The following BAK1 variants were observed in gnomAD, a reference collection of about 807,000 sequenced individuals.
BAK1 encodes the protein BCL2 antagonist/killer 1.
Under a neutral mutation model 24.7 loss-of-function variants are expected in BAK1, and 19 were observed. That is an observed-to-expected ratio of 0.77 (90% CI 0.54 to 1.13). The LOEUF is 1.13. Among genes scored for constraint, BAK1 ranks in the 50% most tolerant of loss-of-function variants. BAK1 has a pLI of 0.00. For missense variants in BAK1, 194 were observed against 279.4 expected, an observed-to-expected ratio of 0.69 and a Z score of 2.18; for synonymous variants, 86 against 107.3, an observed-to-expected ratio of 0.80 and a Z score of 1.23.
At position 33,574,034 on chromosome 6, in the gene BAK1, C is replaced by A. The variant is rs1449806196; in HGVS notation, c.531G>T (p.Trp177Cys). The change falls in exon 5 of 6, where the codon TGG becomes TGT. Residue 177 changes from tryptophan (W) to cysteine (C), a missense_variant and splice_region_variant. Coordinates refer to ENST00000374467, the MANE Select transcript of BAK1 (RefSeq NM_001188.4). ...IARWIAQRGG[W>C]VAALNLGNGP... Reference sequence around the variant, plus strand: ...GACATTGCAGTCCTTGGATACTCACCCAGCCACCCCTCTGTGCAATCCACC... The same window carrying A: ...GACATTGCAGTCCTTGGATACTCACACAGCCACCCCTCTGTGCAATCCACC... The A allele has an allele frequency of 3.7e-6, 6 of 1,613,618 alleles. No homozygotes were observed.
Position 33,575,708 on chromosome 6 carries a change from C to A in BAK1, c.206+85G>T, listed in dbSNP as rs1762833588. On this transcript the variant is annotated intron_variant, in intron 3 of 5. Coordinates refer to ENST00000374467, the MANE Select transcript of BAK1 (RefSeq NM_001188.4). This position sits in a 1 kb window ranked among gnomAD's most constrained non-coding sequence, Gnocchi z 6.3. ...AGAAGGGCAAGACCCCCGAGGCCTCCCCAGCTCCCAGGACCTGCACAGAGA... is the reference window on the plus strand; with the variant it reads ...AGAAGGGCAAGACCCCCGAGGCCTCACCAGCTCCCAGGACCTGCACAGAGA... 1 of 1,555,024 alleles carries A rather than the reference C, an allele frequency of 6.4e-7. No individual in the cohort carries two copies. Among genetic ancestry groups the A allele is most frequent in the Non-Finnish European group, 8.7e-7 (1 of 1,149,994 alleles).
In BAK1 at chr6:33,575,250, G is replaced by T; in HGVS notation, c.350+48C>A. The T allele has an allele frequency of 6.2e-7, 1 of 1,613,470 alleles. No homozygotes were observed. Among genetic ancestry groups the T allele is most frequent in the South Asian group, 1.1e-5 (1 of 90,998 alleles). ...TGCAGGCAGGGTATGGTATGGTTGT[G>T]ACATGACAGAGGAGTGACTGGAGCT... is the stretch of plus-strand genomic sequence containing the variant. On this transcript the variant is annotated intron_variant, in intron 4 of 5. Transcript: ENST00000374467. The surrounding 1 kb of genome is among the most constrained non-coding windows in gnomAD (Gnocchi z 6.3).
intron 1 of BAK1, among the ~76,000 whole-genome samples, chr6:33,579,296 A>G (rs549219475): frequency 1.3e-5 from 2 of 152,302 alleles, no homozygotes; most frequent in South Asian, 4.1e-4. Context: ...CGGTCAGCCG[A>G]GATTGCGCCA....
At chr6:33,574,746 T>C (rs9296095) in intron 4 of BAK1, among the ~76,000 whole-genome samples, 37,849 of 152,154 alleles carry the variant, frequency 0.25, 4,972 homozygotes, top group South Asian at 0.35. Flanking sequence ...GCTAACACTT[T>C]GTAAGGTGGA....
chr6:33,573,562 G>A lies in BAK1; in HGVS notation c.*241C>T, dbSNP rs1367531770. Reference sequence around the variant, plus strand: ...AGGGCTAAGGAGGTCCCAGAGAGCTGAGGGAGGAGACGGCCACAGCCCCTG... The same window carrying A: ...AGGGCTAAGGAGGTCCCAGAGAGCTAAGGGAGGAGACGGCCACAGCCCCTG... On this transcript the variant is annotated 3_prime_UTR_variant, in exon 6 of 6. Coordinates refer to ENST00000374467, the MANE Select transcript of BAK1 (RefSeq NM_001188.4). The A allele has an allele frequency of 1.7e-6, 1 of 573,396 alleles. No individual in the cohort carries two copies. The highest frequency in any genetic ancestry group is 1.9e-5 in the African/African-American group (1 of 53,554). 35.5% of individuals were successfully genotyped at this position (573,396 alleles called of 1,614,324 possible).
At chr6:33,576,299 C>T (rs1762843415) in intron 2 of BAK1, among the ~76,000 whole-genome samples, 1 of 144,348 alleles carries the variant, frequency 6.9e-6, no homozygotes, top group South Asian at 2.2e-4. Flanking sequence ...CCACTGCACT[C>T]CAGCCTAGGC....
In BAK1 at chr6:33,577,646, G is replaced by C. The variant is rs745708980; in HGVS notation, c.-31-11C>G. Reference sequence around the variant, plus strand: ...GAGGACGGGATCAGCCTGCGGGGAAGGGCGAGAAAAAGCAGAGATGGGGGT... The same window carrying C: ...GAGGACGGGATCAGCCTGCGGGGAACGGCGAGAAAAAGCAGAGATGGGGGT... On this transcript the variant is annotated splice_polypyrimidine_tract_variant and intron_variant, in intron 1 of 5. Coordinates refer to ENST00000374467, the MANE Select transcript of BAK1 (RefSeq NM_001188.4). This position sits in a 1 kb window ranked among gnomAD's most constrained non-coding sequence, Gnocchi z 4.6. The C allele has an allele frequency of 3.4e-5, 52 of 1,515,582 alleles. No homozygotes were observed. Among genetic ancestry groups the C allele is most frequent in the Non-Finnish European group, 2.8e-5 (31 of 1,119,824 alleles). The allele number at this position is 1,515,582 out of a possible 1,614,324, so 93.9% of individuals were successfully genotyped here.
In BAK1 at chr6:33,575,459, A is replaced by C; in HGVS notation, c.207-18T>G. On this transcript the variant is annotated intron_variant, in intron 3 of 5. Coordinates refer to ENST00000374467, the MANE Select transcript of BAK1 (RefSeq NM_001188.4). The surrounding 1 kb of genome is among the most constrained non-coding windows in gnomAD (Gnocchi z 6.3). ...CCATGGTGCTGTAGGAGCAGGAGGC[A>C]TGCAGGTGAGCCAGTAACCAGGCAG... 1 of 1,612,828 alleles carries C rather than the reference A, an allele frequency of 6.2e-7. No homozygotes were observed. The highest frequency in any genetic ancestry group is 1.1e-5 in the South Asian group (1 of 91,022).
In BAK1 at chr6:33,575,846, C is replaced by G. The variant is rs1324626047; in HGVS notation, c.153G>C (p.Gly51=). ...YRHQQEQEAE[G]VAAPADPEMV... is the part of the protein sequence containing the mutation. ...TCTCTGGGTCGGCAGGGGCAGCCACCCCTTCAGCCTCCTGTTCCTGCTGAT... is the reference window on the plus strand; with the variant it reads ...TCTCTGGGTCGGCAGGGGCAGCCACGCCTTCAGCCTCCTGTTCCTGCTGAT... The change falls in exon 3 of 6, where the codon GGG becomes GGC. Residue 51 remains glycine, a synonymous_variant. Transcript: ENST00000374467. This position sits in a 1 kb window ranked among gnomAD's most constrained non-coding sequence, Gnocchi z 6.3. The G allele has an allele frequency of 6.2e-7, 1 of 1,613,942 alleles. No homozygotes were observed. The highest frequency in any genetic ancestry group is 1.1e-5 in the South Asian group (1 of 91,080).
At chr6:33,579,513 G>A (rs896333161) in intron 1 of BAK1, among the ~76,000 whole-genome samples, 1 of 152,132 alleles carries the variant, frequency 6.6e-6, no homozygotes, top group Non-Finnish European at 1.5e-5. Flanking sequence ...AGGCTTCCGA[G>A]GGGAGCAGGT....
rs1324380290 is a variant in BAK1 at position 33,577,210 on chromosome 6, G to A, written c.70+325C>T. Among the ~76,000 whole-genome samples, 2 of 152,044 alleles carry A rather than the reference G, an allele frequency of 1.3e-5. No individual in the cohort carries two copies. Among genetic ancestry groups the A allele is most frequent in the African/African-American group, 2.4e-5 (1 of 41,366 alleles). ...GCCAGCTTACTTCCTTATTTCTCCC[G>A]CTGGAGGGATACAGCAGCCAGGCCC... On this transcript the variant is annotated intron_variant, in intron 2 of 5. Transcript: ENST00000374467. This position sits in a 1 kb window ranked among gnomAD's most constrained non-coding sequence, Gnocchi z 4.6.
rs5745581 is a variant in BAK1 at position 33,578,763 on chromosome 6, C to T, written c.-31-1128G>A. ...TCAGCTGTTTCACTTTCAGTTTGCA[C>T]CCCTCCCAGAGCCCCATTTCCCCAG... On this transcript the variant is annotated intron_variant, in intron 1 of 5. Coordinates refer to ENST00000374467, the MANE Select transcript of BAK1 (RefSeq NM_001188.4). The surrounding 1 kb of genome is among the most constrained non-coding windows in gnomAD (Gnocchi z 4.8). Among the ~76,000 whole-genome samples the T allele has an allele frequency of 2.6e-5, 4 of 152,108 alleles. No homozygotes were observed. Among genetic ancestry groups the T allele is most frequent in the Admixed American group, 2.0e-4 (3 of 15,268 alleles).
rs774645858 is a variant in BAK1, at chr6:33,577,650, G to T, written c.-31-15C>A. 3 of 1,504,056 alleles carry T rather than the reference G, an allele frequency of 2.0e-6. No individual in the cohort carries two copies. Among genetic ancestry groups the T allele is most frequent in the Non-Finnish European group, 9.0e-7 (1 of 1,109,862 alleles). 93.2% of individuals were successfully genotyped at this position (1,504,056 alleles called of 1,614,324 possible). A position where few individuals can be genotyped will look rare whatever the true frequency, so the allele number is the denominator to read the frequency against. On this transcript the variant is annotated splice_polypyrimidine_tract_variant and intron_variant, in intron 1 of 5. Transcript: ENST00000374467. The surrounding 1 kb of genome is among the most constrained non-coding windows in gnomAD (Gnocchi z 4.6). ...ACGGGATCAGCCTGCGGGGAAGGGCGAGAAAAAGCAGAGATGGGGGTGAGC... is the reference window on the plus strand; with the variant it reads ...ACGGGATCAGCCTGCGGGGAAGGGCTAGAAAAAGCAGAGATGGGGGTGAGC...
chr6:33,576,493 C>T (rs555690198), intron 2 of BAK1, among the ~76,000 whole-genome samples: 2 of 150,492 alleles, frequency 1.3e-5, no homozygotes, highest in East Asian at 3.9e-4. Context: ...ATTAGCCAGG[C>T]GTGGTGGGAG....
rs752817502 is a variant in BAK1, at chr6:33,575,429, C to G, written c.219G>C (p.Gln73His). Residue 73 changes from glutamine (Q) to histidine (H), a missense_variant, in exon 4 of 6, where the codon CAG becomes CAC. By Grantham distance (24) the Gln-to-His change is conservative (BLOSUM62 0). Coordinates refer to ENST00000374467, the MANE Select transcript of BAK1 (RefSeq NM_001188.4). The surrounding 1 kb of genome is among the most constrained non-coding windows in gnomAD (Gnocchi z 6.3). Reference sequence around the variant, plus strand: ...CGATGATGGCGAGCTGCCGTCCCACCTGCCCCATGGTGCTGTAGGAGCAGG... The same window carrying G: ...CGATGATGGCGAGCTGCCGTCCCACGTGCCCCATGGTGCTGTAGGAGCAGG... Reference protein sequence around the residue: ...LPLQPSSTMGQVGRQLAIIGD... With the variant: ...LPLQPSSTMGHVGRQLAIIGD... The G allele has an allele frequency of 3.7e-6, 6 of 1,613,642 alleles. No homozygotes were observed. The highest frequency in any genetic ancestry group is 2.5e-6 in the Non-Finnish European group (3 of 1,180,050).
chr6:33,574,327 T>G, intron 4 of BAK1, 113 bp from the exon 5 acceptor site: 1 of 1,464,532 alleles, frequency 6.8e-7, no homozygotes, highest in Non-Finnish European at 9.3e-7. Context: ...AGCTGTGAAT[T>G]AAGGCCGCAG....
In BAK1 at chr6:33,578,793, C is replaced by G. The variant is rs1762888131; in HGVS notation, c.-31-1158G>C. On this transcript the variant is annotated intron_variant, in intron 1 of 5. Coordinates refer to ENST00000374467, the MANE Select transcript of BAK1 (RefSeq NM_001188.4). This position sits in a 1 kb window ranked among gnomAD's most constrained non-coding sequence, Gnocchi z 4.8. Reference sequence around the variant, plus strand: ...CCCAGAGCCCCATTTCCCCAGGCAGCCTCCAGCCCTCAGAAGGAGAGCGCC... The same window carrying G: ...CCCAGAGCCCCATTTCCCCAGGCAGGCTCCAGCCCTCAGAAGGAGAGCGCC... 6.6e-6 allele frequency among the ~76,000 whole-genome samples: 1 copy of G among 152,192 alleles called. No individual in the cohort carries two copies. The highest frequency in any genetic ancestry group is 2.4e-5 in the African/African-American group (1 of 41,450).
chr6:33,579,456 G>C (rs1013309170), intron 1 of BAK1, among the ~76,000 whole-genome samples: 2 of 152,232 alleles, frequency 1.3e-5, no homozygotes, highest in Admixed American at 1.3e-4. Context: ...AGGACAGTAG[G>C]GCTGGAGGAT....
intron 5 of BAK1, 63 bp from the exon 6 acceptor site, chr6:33,573,970 G>A (rs1269926132): frequency 6.2e-7 from 1 of 1,613,090 alleles, no homozygotes; most frequent in African/African-American, 1.3e-5. Flanking sequence ...CCGAGGAAGG[G>A]GTGGGGCCTG....
Sources: allele counts gnomAD v4.1 joint callset (sites outside exome capture counted in the v4.1 genomes callset), GRCh38; gene constraint gnomAD v4.1.1; non-coding constraint Gnocchi (gnomAD v3.1); transcripts MANE v1.5; gene names NCBI Gene and HGNC (gene_info 2026-07-23, HGNC 2026-07-21).